The following GSK3B variants were observed in gnomAD, a reference collection of about 807,000 sequenced individuals.
GSK3B encodes glycogen synthase kinase-3 beta.
A neutral mutation model predicts 56.4 loss-of-function variants in GSK3B; 15 were observed. The ratio of observed to expected loss-of-function variants is 0.27; its 90% CI spans 0.18 to 0.41. The LOEUF (loss-of-function observed/expected upper bound fraction) is 0.41. Among genes scored for constraint, GSK3B ranks in the 10% least tolerant of loss-of-function variants. GSK3B has a pLI of 1.00. For synonymous variants in GSK3B, 181 were observed against 188.9 expected (o/e 0.96, Z 0.34); for missense variants, 300 against 513.4 (o/e 0.58, Z 4.02).
intron 3 of GSK3B, among the ~76,000 whole-genome samples, chr3:119,935,856 C>A (rs2056988606): frequency 6.6e-6 from 1 of 152,126 alleles, no homozygotes; most frequent in South Asian, 2.1e-4. Flanking sequence ...AAACTCTTAA[C>A]AAAGTACTGT....
chr3:119,942,068 T>C (rs575074590), intron 3 of GSK3B, among the ~76,000 whole-genome samples: 46 of 152,286 alleles, frequency 3.0e-4, no homozygotes, highest in African/African-American at 8.9e-4. Flanking sequence ...TTACTATCAA[T>C]AGAACAAAGG....
intron 1 of GSK3B, among the ~76,000 whole-genome samples, chr3:120,031,226 G>A (rs1189080593): frequency 1.3e-5 from 2 of 152,210 alleles, no homozygotes; most frequent in South Asian, 2.1e-4. Context: ...ATTCTTAGCT[G>A]AGTAAGAGGC....
At chr3:120,069,483 G>A (rs532961288) in intron 1 of GSK3B, among the ~76,000 whole-genome samples, 2 of 152,260 alleles carry the variant, frequency 1.3e-5, no homozygotes, top group South Asian at 4.1e-4. Context: ...GACCATTTAA[G>A]TTAATTCTAC....
chr3:120,054,108 A>G (rs2058173379), intron 1 of GSK3B, among the ~76,000 whole-genome samples: 1 of 152,264 alleles, frequency 6.6e-6, no homozygotes, highest in East Asian at 1.9e-4. Context: ...GATATTCAGC[A>G]TTATCTAAAA....
At chr3:119,839,234 TA>T (rs2055736682) in intron 10 of GSK3B, among the ~76,000 whole-genome samples, 1 of 152,216 alleles carries the variant, frequency 6.6e-6, no homozygotes, top group African/African-American at 2.4e-5. Flanking sequence ...ATTTAAAATT[TA>T]ATAAGACTTA....
At chr3:119,994,859 A>G (rs938675242) in intron 2 of GSK3B, among the ~76,000 whole-genome samples, 6 of 152,140 alleles carry the variant, frequency 3.9e-5, no homozygotes, top group Admixed American at 1.3e-4. Flanking sequence ...ACAACTGGAG[A>G]TATTTCAATA....
chr3:119,944,117 A>T (rs1427281717), intron 3 of GSK3B, among the ~76,000 whole-genome samples: 2 of 152,150 alleles, frequency 1.3e-5, no homozygotes, highest in African/African-American at 4.8e-5. Flanking sequence ...CAAGCCTTTA[A>T]TCTCTCTAAT....
chr3:120,022,498 T>C (rs1269032709), intron 1 of GSK3B, among the ~76,000 whole-genome samples: 4 of 152,198 alleles, frequency 2.6e-5, no homozygotes. Context: ...ATATTGGTTT[T>C]TGTATTTGCC....
chr3:119,968,399 T>C (rs1393667344), intron 2 of GSK3B, among the ~76,000 whole-genome samples: 1 of 152,138 alleles, frequency 6.6e-6, no homozygotes, highest in Non-Finnish European at 1.5e-5. Flanking sequence ...ATTCAAAAAT[T>C]TGCAACAAAA....
At chr3:119,899,806 C>A (rs951862349) in intron 7 of GSK3B, among the ~76,000 whole-genome samples, 3 of 151,826 alleles carry the variant, frequency 2.0e-5, no homozygotes, top group Non-Finnish European at 2.9e-5. Context: ...AATAAAAATT[C>A]TCTCCTTTTC....
intron 8 of GSK3B, among the ~76,000 whole-genome samples, chr3:119,876,155 A>C (rs1008626964): frequency 1.3e-5 from 2 of 152,254 alleles, no homozygotes; most frequent in Middle Eastern, 3.4e-3. Flanking sequence ...TCCTAAATCA[A>C]ATTCTGTACT....
chr3:120,094,384 GGGCGGCGGCGGC>G lies in GSK3B; in HGVS notation c.-962_-951del, dbSNP rs556855605. 4.8e-4 allele frequency: 148 copies of G among 311,064 alleles called. 1 individual carries two copies. In the Admixed American group the frequency reaches 4.8e-3, roughly 10 times the overall value. The allele number at this position is 311,064 out of a possible 1,614,324, so 19.3% of individuals were successfully genotyped here. A position where few individuals can be genotyped will look rare whatever the true frequency, so the allele number is the denominator to read the frequency against. ...CCTTCCTTCCTTTGTCACTTGGCCC[GGGCGGCGGCGGC>G]GGCGGCGGCGGCACAAGCCCGCATT... On this transcript the variant is annotated 5_prime_UTR_variant, in exon 1 of 11. Coordinates refer to ENST00000264235, the MANE Select transcript of GSK3B (RefSeq NM_001146156.2).
chr3:120,051,766 CA>C (rs145027294), intron 1 of GSK3B, among the ~76,000 whole-genome samples: 1,184 of 100,662 alleles, frequency 0.012, 11 homozygotes, highest in African/African-American at 0.029. Context: ...GACTCTATCT[CA>C]AAAAAAAAAA....
intron 4 of GSK3B, among the ~76,000 whole-genome samples, chr3:119,918,528 A>C (rs577722070): frequency 2.0e-5 from 3 of 152,240 alleles, no homozygotes; most frequent in South Asian, 4.1e-4. Flanking sequence ...GCTAAATAAA[A>C]GACTAGAATG....
intron 7 of GSK3B, among the ~76,000 whole-genome samples, chr3:119,892,823 A>T (rs1204730950): frequency 6.6e-6 from 1 of 152,036 alleles, no homozygotes; most frequent in African/African-American, 2.4e-5. Flanking sequence ...CTGCATATGG[A>T]ATTTGGAGTG....
At chr3:119,989,618 C>A (rs1193512420) in intron 2 of GSK3B, among the ~76,000 whole-genome samples, 1 of 149,482 alleles carries the variant, frequency 6.7e-6, no homozygotes, top group East Asian at 2.0e-4. Context: ...GTACTCCAGT[C>A]TGGGTGACGG....
At position 119,823,815 on chromosome 3, in the gene GSK3B, G is replaced by A. The variant is rs2055452966; in HGVS notation, c.*2973C>T. On this transcript the variant is annotated 3_prime_UTR_variant, in exon 11 of 11. Transcript: ENST00000264235. ...GTATCACTGAAACTTAACTGTGGAAGGGGCAAAGATACTGTTATGAGTGAG... is the reference window on the plus strand; with the variant it reads ...GTATCACTGAAACTTAACTGTGGAAAGGGCAAAGATACTGTTATGAGTGAG... 1 of 200,714 alleles carries A rather than the reference G, an allele frequency of 5.0e-6. No individual in the cohort carries two copies. The highest frequency in any genetic ancestry group is 6.0e-5 in the Admixed American group (1 of 16,640). The allele number at this position is 200,714 out of a possible 1,614,324, so 12.4% of individuals were successfully genotyped here.
At chr3:119,919,847 G>C (rs1358227198) in intron 4 of GSK3B, among the ~76,000 whole-genome samples, 1 of 148,480 alleles carries the variant, frequency 6.7e-6, no homozygotes, top group African/African-American at 2.5e-5. Flanking sequence ...TAAAGAAGGT[G>C]ACACACACAC....
intron 1 of GSK3B, among the ~76,000 whole-genome samples, chr3:120,053,194 G>A (rs1244396082): frequency 1.8e-4 from 28 of 152,106 alleles, no homozygotes; most frequent in Admixed American, 1.2e-3. Context: ...AAAATTAGCC[G>A]GGTGTGTTGG....
Sources: gnomAD v4.1 joint callset for allele counts (sites outside exome capture counted in the v4.1 genomes callset) on GRCh38, gnomAD v4.1.1 for gene constraint, MANE v1.5 for transcripts, NCBI Gene and HGNC (gene_info 2026-07-23, HGNC 2026-07-21) for gene names.